The following DPP6 variants were observed in gnomAD, a reference collection of about 807,000 sequenced individuals.
DPP6 encodes A-type potassium channel modulatory protein DPP6.
A neutral mutation model predicts 122.6 loss-of-function variants in DPP6; 69 were observed. That is an observed-to-expected ratio of 0.56 (90% CI 0.46 to 0.69). The LOEUF is 0.69. Ranked by LOEUF, DPP6 falls within the 30% of genes least tolerant of loss-of-function variation. The pLI is 0.00. For synonymous variants in DPP6, 418 were observed against 433.1 expected, an observed-to-expected ratio of 0.97 and a Z score of 0.43; for missense variants, 928 against 1,116.9, an observed-to-expected ratio of 0.83 and a Z score of 2.41.
At chr7:154,783,620 T>C (rs774799943) in intron 10 of DPP6, among the ~76,000 whole-genome samples, 7 of 152,130 alleles carry the variant, frequency 4.6e-5, no homozygotes, top group Non-Finnish European at 7.3e-5. Flanking sequence ...TGACGTTGAG[T>C]GTTCTGGCAT....
rs1584993945 is a variant in DPP6 at position 154,887,734 on chromosome 7, G to C, written c.2304G>C (p.Glu768Asp). 1 of 1,613,626 alleles carries C rather than the reference G, an allele frequency of 6.2e-7. No individual in the cohort carries two copies. The highest frequency in any genetic ancestry group is 1.7e-5 in the Admixed American group (1 of 59,994). Residue 768 changes from glutamate to aspartate, a missense_variant and splice_region_variant, in exon 23 of 26, where the codon GAG (glutamate) becomes GAC (aspartate). Coordinates refer to ENST00000377770, the MANE Select transcript of DPP6 (RefSeq NM_130797.4). ...ATGGACTTGACAACAGAGCATACGAGGTGTGTATGGGCACAACTAGAGAAT... is the reference window on the plus strand; with the variant it reads ...ATGGACTTGACAACAGAGCATACGACGTGTGTATGGGCACAACTAGAGAAT... The part of the protein sequence containing the change: ...GLHGLDNRAY[E>D]MTKVAHRVSA...
At chr7:154,281,108 G>A (rs1223548825) in intron 1 of DPP6, among the ~76,000 whole-genome samples, 1 of 151,820 alleles carries the variant, frequency 6.6e-6, no homozygotes, top group Non-Finnish European at 1.5e-5. Context: ...CGCCTCCCAG[G>A]TTCAAGCAAT....
At chr7:153,790,565 G>T in the DPP6 span, among the ~76,000 whole-genome samples, 2 of 152,136 alleles carry the variant, frequency 1.3e-5, no homozygotes, top group African/African-American at 2.4e-5. Flanking sequence ...TAAACATTAG[G>T]TTAGCAAATA....
chr7:153,793,890 T>G, the DPP6 span, among the ~76,000 whole-genome samples: 6 of 151,196 alleles, frequency 4.0e-5, no homozygotes, highest in Non-Finnish European at 8.9e-5. Context: ...CCTCAGAAGG[T>G]GTAAGCCCCA....
intron 1 of DPP6, among the ~76,000 whole-genome samples, chr7:154,138,094 A>G (rs1304223941): frequency 1.3e-5 from 2 of 152,224 alleles, no homozygotes; most frequent in African/African-American, 2.4e-5. Flanking sequence ...CCTCTGAATC[A>G]TACCTCTTCT....
intron 8 of DPP6, among the ~76,000 whole-genome samples, chr7:154,738,577 C>A (rs902223743): frequency 2.6e-5 from 4 of 152,280 alleles, no homozygotes; most frequent in African/African-American, 9.6e-5. Context: ...GAAAAATTAT[C>A]TGGTGGAAGT....
At chr7:154,044,926 G>A (rs1484920288) in intron 1 of DPP6, among the ~76,000 whole-genome samples, 1 of 151,986 alleles carries the variant, frequency 6.6e-6, no homozygotes, top group Non-Finnish European at 1.5e-5. Flanking sequence ...CAGTTCTGCA[G>A]AGTTCTTCTG....
At chr7:154,728,575 CTTTGTTT>C (rs549034971) in intron 8 of DPP6, among the ~76,000 whole-genome samples, 3 of 152,232 alleles carry the variant, frequency 2.0e-5, no homozygotes, top group Non-Finnish European at 2.9e-5. Context: ...GCTGGAAGCA[CTTTGTTT>C]TCTGTTACTT....
chr7:154,507,073 C>T (rs1418400940), intron 3 of DPP6, among the ~76,000 whole-genome samples: 1 of 152,118 alleles, frequency 6.6e-6, no homozygotes, highest in African/African-American at 2.4e-5. Flanking sequence ...ATTAGTCAAT[C>T]TCCTGAGGCA....
intron 1 of DPP6, among the ~76,000 whole-genome samples, chr7:153,942,572 A>G (rs887105): frequency 0.95 from 145,328 of 152,220 alleles, 69,415 homozygotes; most frequent in East Asian, 1. Context: ...GAGGCAGGAG[A>G]CCGGTCTGTA....
At position 154,160,629 on chromosome 7, in the gene DPP6, G is replaced by C. The variant is rs3115185; in HGVS notation, c.243+107566G>C. 2.6e-5 allele frequency among the ~76,000 whole-genome samples: 4 copies of C among 152,246 alleles called. No homozygotes were observed. In the East Asian group the frequency reaches 5.8e-4, roughly 22 times the overall value. The stretch of plus-strand genomic sequence containing the variant: ...GCCCTCATTCATGCATGCTGAGGAG[G>C]GGGTGGGAAAAGTTATAGAAGCCAG... On this transcript the variant is annotated intron_variant, in intron 1 of 25. Coordinates refer to ENST00000377770, the MANE Select transcript of DPP6 (RefSeq NM_130797.4).
chr7:154,313,654 A>C (rs1249809745), intron 1 of DPP6, among the ~76,000 whole-genome samples: 3 of 139,846 alleles, frequency 2.1e-5, no homozygotes, highest in Admixed American at 1.5e-4. Flanking sequence ...ATTCAAGTTT[A>C]CCTAGAAGCA....
intron 1 of DPP6, among the ~76,000 whole-genome samples, chr7:154,363,708 T>C (rs544809276): frequency 6.6e-6 from 1 of 152,240 alleles, no homozygotes; most frequent in Non-Finnish European, 1.5e-5. Context: ...GTAGCTGAAT[T>C]TAATATAAAT....
intron 17 of DPP6, among the ~76,000 whole-genome samples, chr7:154,859,430 C>T (rs902059215): frequency 3.3e-5 from 5 of 152,346 alleles, no homozygotes; most frequent in Middle Eastern, 3.4e-3. Context: ...CGGCACTGTG[C>T]GTCAGCTAGC....
chr7:154,397,990 A>G (rs957537302), intron 1 of DPP6, among the ~76,000 whole-genome samples: 1 of 152,194 alleles, frequency 6.6e-6, no homozygotes, highest in Admixed American at 6.5e-5. Context: ...TTTTCCCTAA[A>G]AATACATTTC....
At chr7:153,992,050 T>A (rs1316703407) in intron 1 of DPP6, among the ~76,000 whole-genome samples, 1 of 152,106 alleles carries the variant, frequency 6.6e-6, no homozygotes, top group Non-Finnish European at 1.5e-5. Context: ...TGCAACCCCA[T>A]TTTTTTAATA....
intron 1 of DPP6, among the ~76,000 whole-genome samples, chr7:154,288,281 C>T (rs764191634): frequency 6.6e-6 from 1 of 152,158 alleles, no homozygotes; most frequent in Admixed American, 6.5e-5. Flanking sequence ...AGCAGGTGAG[C>T]AGAAGACAAG....
Position 154,074,110 on chromosome 7 carries a change from G to GATATATAT in DPP6, c.243+21048_243+21049insTATATATA, listed in dbSNP as rs1563170874. On this transcript the variant is annotated intron_variant, in intron 1 of 25. Transcript: ENST00000377770. ...ATATAGAGATCTATATAGAGATAGA[G>GATATATAT]AGATATATATAGATATCTATATATA... Among the ~76,000 whole-genome samples the GATATATAT allele has an allele frequency of 6.4e-3, 298 of 46,834 alleles. 3 individuals carry two copies. The Middle Eastern group carries it at 0.08, about 13-fold the overall frequency. The allele number at this position is 46,834 out of a possible 152,430, so 30.7% of individuals were successfully genotyped here.
intron 1 of DPP6, among the ~76,000 whole-genome samples, chr7:153,961,312 G>A (rs1041241502): frequency 4.8e-5 from 7 of 144,960 alleles, no homozygotes; most frequent in Non-Finnish European, 9.0e-5. Context: ...TGAGAAGTTG[G>A]TAGATGGTTC....
Sources: allele counts gnomAD v4.1 joint callset (sites outside exome capture counted in the v4.1 genomes callset), GRCh38; gene constraint gnomAD v4.1.1; transcripts MANE v1.5; gene names NCBI Gene and HGNC (gene_info 2026-07-23, HGNC 2026-07-21).